PTCH1: variants seen among roughly 807,000 people sequenced by gnomAD.
PTCH1 encodes the protein patched 1, also known as protein patched homolog 1.
Under a neutral mutation model 144.6 loss-of-function variants are expected in PTCH1, and 14 were observed. The ratio of observed to expected loss-of-function variants is 0.10; its 90% confidence interval spans 0.06 to 0.15. The LOEUF (loss-of-function observed/expected upper bound fraction) is 0.15. Among genes scored for constraint, PTCH1 ranks in the 10% least tolerant of loss-of-function variants. The pLI is 1.00. For missense variants in PTCH1, 1,623 were observed against 1,948.3 expected (o/e 0.83, Z 3.14); for synonymous variants, 833 against 793.6 (o/e 1.05, Z -0.83).
intron 20 of PTCH1, chr9:95,452,983 T>G (rs552784963): frequency 5.3e-6 from 1 of 189,398 alleles, no homozygotes; most frequent in African/African-American, 2.3e-5. Context: ...TTCAAGATAC[T>G]CCCCAAGACA....
Position 95,458,213 on chromosome 9 carries a change from C to T in PTCH1, c.2968G>A (p.Ala990Thr), listed in dbSNP as rs1235316882. The change falls in exon 18 of 24, where the codon GCA (alanine) becomes ACA (threonine). Residue 990 changes from alanine (A) to threonine (T), a missense_variant. Coordinates refer to ENST00000331920, the MANE Select transcript of PTCH1 (RefSeq NM_000264.5). The surrounding 1 kb of genome is among the most constrained non-coding windows in gnomAD (Gnocchi z 4.7). Reference sequence around the variant, plus strand: ...CAGATGGTCCTTACTTTTTCAATTGCCTCCACAAAGTCTGAGGTGTCCCGC... The same window carrying T: ...CAGATGGTCCTTACTTTTTCAATTGTCTCCACAAAGTCTGAGGTGTCCCGC... ...GLRDTSDFVE[A>T]IEKVRTICSN... 6.2e-7 allele frequency: 1 copy of T among 1,614,136 alleles called. No individual in the cohort carries two copies. The highest frequency in any genetic ancestry group is 8.5e-7 in the Non-Finnish European group (1 of 1,180,046).
rs372027952 is a variant in PTCH1 at position 95,447,367 on chromosome 9, G to C, written c.3889C>G (p.Arg1297Gly). ...TCCCTGCGGGGCTGCTGGCCTTGCC[G>C]TCCGGGAGGCAGGGACCCTGAGTCC... is the stretch of plus-strand genomic sequence containing the variant. Reference protein sequence around the residue: ...HLDSGSLPPGRQGQQPRRDPP... With the variant: ...HLDSGSLPPGGQGQQPRRDPP... The change falls in exon 23 of 24, where the codon CGG becomes GGG. Residue 1297 changes from arginine (R) to glycine (G), a missense_variant. Coordinates refer to ENST00000331920, the MANE Select transcript of PTCH1 (RefSeq NM_000264.5). 1 of 1,613,118 alleles carries C rather than the reference G, an allele frequency of 6.2e-7. No individual in the cohort carries two copies. Among genetic ancestry groups the C allele is most frequent in the Admixed American group, 1.7e-5 (1 of 59,984 alleles).
rs554050765 is a variant in PTCH1, at chr9:95,444,038, A to C, written c.*2355T>G. On this transcript the variant is annotated 3_prime_UTR_variant, in exon 24 of 24. Transcript: ENST00000331920. ...AAATCCCTGCATTTTTTTTTGTTAT[A>C]AACTGGCATGACAAATACTGTAGAG... is the stretch of plus-strand genomic sequence containing the variant. The C allele has an allele frequency of 1.3e-5, 2 of 152,394 alleles. No individual in the cohort carries two copies. The highest frequency in any genetic ancestry group is 1.3e-4 in the Admixed American group (2 of 15,274). The allele number at this position is 152,394 out of a possible 1,614,324, so 9.4% of individuals were successfully genotyped here.
intron 2 of PTCH1, among the ~76,000 whole-genome samples, chr9:95,505,300 G>A (rs535849397): frequency 3.5e-4 from 53 of 152,188 alleles, no homozygotes; most frequent in African/African-American, 1.3e-3. Flanking sequence ...CAGGTATTTT[G>A]GTTTGAATTA....
chr9:95,462,071 G>A (rs2136691433), intron 15 of PTCH1, 73 bp from the exon 16 acceptor site: 2 of 1,567,344 alleles, frequency 1.3e-6, no homozygotes, highest in Non-Finnish European at 1.8e-6. Flanking sequence ...GGGGTGGGCT[G>A]AGGAGACTGA....
At position 95,480,594 on chromosome 9, in the gene PTCH1, A is replaced by G. The variant is rs2118429284; in HGVS notation, c.747-6T>C. ...ACCGCAAAGGAGGTTTACCTCTGCAAAAGAAATTAGGAGACGAGACCATGA... is the reference window on the plus strand; with the variant it reads ...ACCGCAAAGGAGGTTTACCTCTGCAGAAGAAATTAGGAGACGAGACCATGA... On this transcript the variant is annotated splice_polypyrimidine_tract_variant and splice_region_variant and intron_variant, in intron 5 of 23. Transcript: ENST00000331920. The G allele has an allele frequency of 6.2e-7, 1 of 1,612,168 alleles. No individual in the cohort carries two copies. The highest frequency in any genetic ancestry group is 8.5e-7 in the Non-Finnish European group (1 of 1,178,342).
chr9:95,516,733 A>T, exon 1 of PTCH1: 1 of 1,612,010 alleles, frequency 6.2e-7, no homozygotes. Flanking sequence ...AAAGTGTAAA[A>T]ACCCCGGCGC....
At chr9:95,503,732 T>TAA (rs1451396460) in intron 2 of PTCH1, among the ~76,000 whole-genome samples, 2,841 of 121,676 alleles carry the variant, frequency 0.023, 905 homozygotes, top group African/African-American at 0.042. Context: ...AAAAACAAAA[T>TAA]AGGGCCGGGC....
chr9:95,448,809 C>G (rs1838180714), intron 22 of PTCH1, among the ~76,000 whole-genome samples: 1 of 151,966 alleles, frequency 6.6e-6, no homozygotes, highest in African/African-American at 2.4e-5. Context: ...AAGATAGATG[C>G]TACTGCTTTG....
intron 3 of PTCH1, 157 bp from the exon 4 acceptor site, chr9:95,482,360 G>A: frequency 1.4e-6 from 1 of 699,850 alleles, no homozygotes; most frequent in Non-Finnish European, 2.4e-6. Flanking sequence ...GACCCAGCAA[G>A]CTTGCTTTAA....
chr9:95,478,335 G>A (rs1401384950), intron 8 of PTCH1, 149 bp from the exon 9 acceptor site: 21 of 1,264,046 alleles, frequency 1.7e-5, no homozygotes, highest in Non-Finnish European at 2.3e-5. Flanking sequence ...GGCAGGGAGA[G>A]AAGCTGAAGT....
chr9:95,459,578 C>T, intron 17 of PTCH1, 22 bp downstream of exon 17: 1 of 1,612,450 alleles, frequency 6.2e-7, no homozygotes, highest in East Asian at 2.2e-5. Flanking sequence ...GTTCCCAGAC[C>T]TCCCGATAAA....
chr9:95,447,795 C>A (rs889761551), intron 22 of PTCH1, among the ~76,000 whole-genome samples: 1 of 152,226 alleles, frequency 6.6e-6, no homozygotes, highest in East Asian at 1.9e-4. Context: ...TGAGCTGCCC[C>A]TCTCCCGAAG....
In PTCH1 at chr9:95,507,508, T is replaced by A. The variant is rs370201922; in HGVS notation, c.201+653A>T. ...ACCGCGAATTTAAGGTGGCAATTTG[T>A]TTACAACTTTTCCTCCCCCGACCAG... On this transcript the variant is annotated intron_variant, in intron 1 of 23. Coordinates refer to ENST00000331920, the MANE Select transcript of PTCH1 (RefSeq NM_000264.5). 47 of 929,622 alleles carry A rather than the reference T, an allele frequency of 5.1e-5. No individual in the cohort carries two copies. In the East Asian group the frequency reaches 2.0e-3, roughly 39 times the overall value. The allele number at this position is 929,622 out of a possible 1,614,324, so 57.6% of individuals were successfully genotyped here.
intron 2 of PTCH1, among the ~76,000 whole-genome samples, chr9:95,498,527 G>A (rs924284396): frequency 2.0e-5 from 3 of 152,104 alleles, no homozygotes; most frequent in South Asian, 2.1e-4. Context: ...AGGATGGGGC[G>A]CATCTTCCTG....
rs200587952 is a variant in PTCH1, at chr9:95,490,617, C to CA, written c.395-4744dup. On this transcript the variant is annotated intron_variant, in intron 2 of 23. Transcript: ENST00000331920. Reference sequence around the variant, plus strand: ...ATATGAATTAAAAACAAACTCAATGCAAAAAAAAATAGGCATCTCTGTACT... The same window carrying CA: ...ATATGAATTAAAAACAAACTCAATGCAAAAAAAAAATAGGCATCTCTGTACT... Among the ~76,000 whole-genome samples, 1,326 of 143,602 alleles carry CA rather than the reference C, an allele frequency of 9.2e-3. 46 individuals are homozygous for CA. The highest frequency in any genetic ancestry group is 0.063 in the Admixed American group (934 of 14,740). The allele number at this position is 143,602 out of a possible 152,430, so 94.2% of individuals were successfully genotyped here. A position where few individuals can be genotyped will look rare whatever the true frequency, so the allele number is the denominator to read the frequency against.
chr9:95,464,677 T>C (rs1839838560), intron 15 of PTCH1, among the ~76,000 whole-genome samples: 2 of 152,192 alleles, frequency 1.3e-5, no homozygotes, highest in Non-Finnish European at 2.9e-5. Context: ...AATTAACCAT[T>C]ATATAGTTTT....
Position 95,444,548 on chromosome 9 carries a change from C to T in PTCH1, c.*1845G>A, listed in dbSNP as rs938537759. ...ACACACCCAGCAGCCACAAGCGGCTCCCAATCAGCATCTTAAAAGTTTTGT... is the reference window on the plus strand; with the variant it reads ...ACACACCCAGCAGCCACAAGCGGCTTCCAATCAGCATCTTAAAAGTTTTGT... On this transcript the variant is annotated 3_prime_UTR_variant, in exon 24 of 24. Coordinates refer to ENST00000331920, the MANE Select transcript of PTCH1 (RefSeq NM_000264.5). 1 of 153,006 alleles carries T rather than the reference C, an allele frequency of 6.5e-6. No individual in the cohort carries two copies. Among genetic ancestry groups the T allele is most frequent in the African/African-American group, 2.4e-5 (1 of 41,370 alleles). 9.5% of individuals were successfully genotyped at this position (153,006 alleles called of 1,614,324 possible).
intron 8 of PTCH1, 97 bp downstream of exon 8, chr9:95,478,903 G>A: frequency 1.9e-6 from 3 of 1,567,384 alleles, no homozygotes; most frequent in Non-Finnish European, 2.6e-6. Context: ...GCAATGTTTT[G>A]AAAATAAAGC....
Sources: gnomAD v4.1 joint callset for allele counts (sites outside exome capture counted in the v4.1 genomes callset) on GRCh38, gnomAD v4.1.1 for gene constraint, Gnocchi (gnomAD v3.1) non-coding constraint, MANE v1.5 for transcripts, NCBI Gene and HGNC (gene_info 2026-07-23, HGNC 2026-07-21) for gene names.